Variants in TBC1D4 observed in about 807,000 individuals in gnomAD.
TBC1D4 encodes TBC (Tre-2, BUB2, CDC16) domain-containing protein.
TBC1D4 carries 121 observed loss-of-function variants against 142.5 expected under a neutral mutation model. The observed-to-expected ratio is 0.85, with a 90% CI of 0.73 to 0.99. The LOEUF is 0.99. Ranked by LOEUF, TBC1D4 falls within the 50% of genes least tolerant of loss-of-function variation. TBC1D4 has a pLI of 0.00. For synonymous variants in TBC1D4, 630 were observed against 628.2 expected (o/e 1.00, Z -0.04); for missense variants, 1,475 against 1,606.6 (o/e 0.92, Z 1.40).
In TBC1D4 at chr13:75,442,728, G is replaced by A. The variant is rs9593077; in HGVS notation, c.498+38542C>T. The stretch of plus-strand genomic sequence containing the variant: ...CGGGAGGTGGAGGTTGCAGTGAGCC[G>A]AGATCGCGCCACTGCACTCCAGCCT... On this transcript the variant is annotated intron_variant, in intron 1 of 20. Transcript: ENST00000377636. Among the ~76,000 whole-genome samples the A allele has an allele frequency of 6.2e-3, 942 of 151,200 alleles. 13 individuals are homozygous for A. Among genetic ancestry groups the A allele is most frequent in the African/African-American group, 0.021 (847 of 41,184 alleles).
intron 11 of TBC1D4, among the ~76,000 whole-genome samples, chr13:75,321,789 AC>A (rs1878803324): frequency 6.6e-6 from 1 of 152,180 alleles, no homozygotes; most frequent in African/African-American, 2.4e-5. Flanking sequence ...CCTAGAAATA[AC>A]CCATATGTCT....
At chr13:75,319,841 G>A (rs1878605939) in intron 12 of TBC1D4, among the ~76,000 whole-genome samples, 173 bp downstream of exon 12, 1 of 152,144 alleles carries the variant, frequency 6.6e-6, no homozygotes, top group African/African-American at 2.4e-5. Context: ...GGTAATTCAT[G>A]GTCTTTGATT....
At chr13:75,289,177 T>G (rs1352473812) in intron 19 of TBC1D4, 67 bp from the exon 20 acceptor site, 9 of 1,575,202 alleles carry the variant, frequency 5.7e-6, no homozygotes, top group Non-Finnish European at 7.8e-6. Flanking sequence ...CCTGTTTATC[T>G]TGGTATATTT....
chr13:75,463,349 T>C (rs980983983), intron 1 of TBC1D4, among the ~76,000 whole-genome samples: 2 of 152,060 alleles, frequency 1.3e-5, no homozygotes, highest in African/African-American at 4.8e-5. Context: ...AAAACCTGTA[T>C]AGGAAGGGGC....
At chr13:75,325,456 T>C (rs918487679) in intron 10 of TBC1D4, among the ~76,000 whole-genome samples, 2 of 151,812 alleles carry the variant, frequency 1.3e-5, no homozygotes, top group Non-Finnish European at 2.9e-5. Context: ...CTTAACCCTA[T>C]TTTCCGTAAC....
At chr13:75,349,386 TG>T in intron 4 of TBC1D4, 84 bp from the exon 5 acceptor site, 3 of 1,542,916 alleles carry the variant, frequency 1.9e-6, no homozygotes, top group Non-Finnish European at 8.8e-7. Flanking sequence ...GAGCCTTTGT[TG>T]ATGCTGACTA....
At chr13:75,401,184 C>T (rs1370061795) in intron 1 of TBC1D4, among the ~76,000 whole-genome samples, 1 of 152,118 alleles carries the variant, frequency 6.6e-6, no homozygotes, top group Non-Finnish European at 1.5e-5. Flanking sequence ...ACATACTCCC[C>T]TTCTCCCTGA....
intron 1 of TBC1D4, among the ~76,000 whole-genome samples, chr13:75,417,634 C>CA (rs1373144012): frequency 6.6e-6 from 1 of 152,132 alleles, no homozygotes; most frequent in Non-Finnish European, 1.5e-5. Context: ...GAGGGGCACG[C>CA]ATGAAAGGAT....
intron 4 of TBC1D4, among the ~76,000 whole-genome samples, chr13:75,349,954 G>C (rs1259650717): frequency 6.6e-6 from 1 of 152,134 alleles, no homozygotes; most frequent in Non-Finnish European, 1.5e-5. Flanking sequence ...CCAGCAGCTT[G>C]CAAACTACCA....
chr13:75,362,058 C>T lies in TBC1D4; in HGVS notation c.1048G>A (p.Asp350Asn), dbSNP rs749038007. The change falls in exon 2 of 21, where the codon GAC (aspartate) becomes AAC (asparagine). Residue 350 changes from aspartate to asparagine, a missense_variant. Asp to Asn is a conservative substitution (Grantham distance 23). Coordinates refer to ENST00000377636, the MANE Select transcript of TBC1D4 (RefSeq NM_014832.5). This position sits in a 1 kb window ranked among gnomAD's most constrained non-coding sequence, Gnocchi z 4.2. The stretch of plus-strand genomic sequence containing the variant: ...AGCATGGTCCTGTTCTTCTCCGAGT[C>T]CGAGGGCTGGACGTGACTGGGTGCG... Reference protein sequence around the residue: ...ASAPSHVQPSDSEKNRTMLFQ... With the variant: ...ASAPSHVQPSNSEKNRTMLFQ... 4 of 1,614,134 alleles carry T rather than the reference C, an allele frequency of 2.5e-6. No homozygotes were observed. In the South Asian group the frequency reaches 4.4e-5, roughly 18 times the overall value.
chr13:75,294,651 C>T (rs1490868521), intron 18 of TBC1D4, among the ~76,000 whole-genome samples: 5 of 152,136 alleles, frequency 3.3e-5, no homozygotes, highest in Non-Finnish European at 7.4e-5. Context: ...TTCCTCTTTC[C>T]TTTTTAATTT....
chr13:75,354,895 G>A (rs868420420), intron 4 of TBC1D4, among the ~76,000 whole-genome samples: 9 of 152,234 alleles, frequency 5.9e-5, no homozygotes, highest in Non-Finnish European at 1.3e-4. Flanking sequence ...AGTCCTAAAT[G>A]CAACCCATTT....
At chr13:75,428,147 T>C (rs1886454178) in intron 1 of TBC1D4, among the ~76,000 whole-genome samples, 2 of 152,152 alleles carry the variant, frequency 1.3e-5, no homozygotes, top group South Asian at 4.1e-4. Context: ...GGTGCTTCAG[T>C]ACTGTTGGGT....
intron 1 of TBC1D4, among the ~76,000 whole-genome samples, chr13:75,373,766 C>T (rs550216306): frequency 2.0e-5 from 3 of 152,134 alleles, no homozygotes; most frequent in Non-Finnish European, 4.4e-5. Context: ...ACATCATCTA[C>T]GAAAGGTTCT....
At position 75,326,435 on chromosome 13, in the gene TBC1D4, G is replaced by A. The variant is rs748671000; in HGVS notation, c.1807-12C>T. On this transcript the variant is annotated splice_polypyrimidine_tract_variant and intron_variant, in intron 9 of 20. Coordinates refer to ENST00000377636, the MANE Select transcript of TBC1D4 (RefSeq NM_014832.5). ...CCTGGTGAGTAGTCCTGAAACACAAGCGGAAGGGAGCCCTTTATTTCCCAC... is the reference window on the plus strand; with the variant it reads ...CCTGGTGAGTAGTCCTGAAACACAAACGGAAGGGAGCCCTTTATTTCCCAC... 2 of 1,613,904 alleles carry A rather than the reference G, an allele frequency of 1.2e-6. No homozygotes were observed. The highest frequency in any genetic ancestry group is 2.2e-5 in the South Asian group (2 of 91,056).
Position 75,362,566 on chromosome 13 carries a change from C to A in TBC1D4, c.540G>T (p.Ala180=). ...VISSIRQLSK[A]AMKEDAKPSK... ...TGGGTTTGGCATCCTCTTTCATGGC[C>A]GCTTTAGATAATTGCCTTATGCTGC... Residue 180 remains alanine, a synonymous_variant, in exon 2 of 21, where the codon GCG becomes GCT. Coordinates refer to ENST00000377636, the MANE Select transcript of TBC1D4 (RefSeq NM_014832.5). The surrounding 1 kb of genome is among the most constrained non-coding windows in gnomAD (Gnocchi z 4.2). The A allele has an allele frequency of 6.2e-7, 1 of 1,614,124 alleles. No homozygotes were observed. The highest frequency in any genetic ancestry group is 8.5e-7 in the Non-Finnish European group (1 of 1,180,006).
At chr13:75,329,397 C>T (rs1016943540) in intron 8 of TBC1D4, among the ~76,000 whole-genome samples, 31 of 151,664 alleles carry the variant, frequency 2.0e-4, no homozygotes, top group Middle Eastern at 6.8e-3. Context: ...CCCTCCCCTC[C>T]CCTTCCCTCC....
chr13:75,437,506 G>T (rs534090311), intron 1 of TBC1D4, among the ~76,000 whole-genome samples: 163 of 152,070 alleles, frequency 1.1e-3, no homozygotes, highest in East Asian at 1.9e-3. Context: ...AAACAAAAAG[G>T]TTTCTTAAAT....
chr13:75,393,069 C>T (rs1010961638), intron 1 of TBC1D4, among the ~76,000 whole-genome samples: 22 of 150,762 alleles, frequency 1.5e-4, no homozygotes, highest in African/African-American at 4.4e-4. Context: ...TCTCTATGGG[C>T]GTCATCTCTT....
Sources: allele counts gnomAD v4.1 joint callset (sites outside exome capture counted in the v4.1 genomes callset), GRCh38; gene constraint gnomAD v4.1.1; non-coding constraint Gnocchi (gnomAD v3.1); transcripts MANE v1.5; gene names NCBI Gene and HGNC (gene_info 2026-07-23, HGNC 2026-07-21).